CCDC171: variants seen among roughly 807,000 people sequenced by gnomAD.
The protein encoded by CCDC171 is coiled-coil domain containing 171, also known as coiled-coil domain-containing protein 171.
A neutral mutation model predicts 168.2 loss-of-function variants in CCDC171; 177 were observed. The observed-to-expected ratio is 1.05, with a 90% CI of 0.93 to 1.19. CCDC171 has a LOEUF of 1.19. Ranked by LOEUF, CCDC171 falls within the 50% of genes most tolerant of loss-of-function variation. The probability of loss-of-function intolerance (pLI) is 0.00; values close to 1 mark genes in which losing one functional copy is unlikely to be tolerated. For synonymous variants in CCDC171, 687 were observed against 540.8 expected, an observed-to-expected ratio of 1.27 and a Z score of -3.75; for missense variants, 1,991 against 1,539.0, an observed-to-expected ratio of 1.29 and a Z score of -4.91.
intron 25 of CCDC171, among the ~76,000 whole-genome samples, chr9:15,939,170 T>C (rs1827440170): frequency 6.6e-6 from 1 of 151,608 alleles, no homozygotes; most frequent in Admixed American, 6.6e-5. Flanking sequence ...ATCTATATAC[T>C]GTGTCTAAAT....
At chr9:15,894,718 G>T (rs192040099) in intron 24 of CCDC171, among the ~76,000 whole-genome samples, 1 of 151,824 alleles carries the variant, frequency 6.6e-6, no homozygotes, top group South Asian at 2.1e-4. Flanking sequence ...CCTTTCTCTC[G>T]AATTTCCACA....
At chr9:15,700,098 G>A (rs1485411178) in intron 11 of CCDC171, among the ~76,000 whole-genome samples, 2 of 152,204 alleles carry the variant, frequency 1.3e-5, no homozygotes. Flanking sequence ...GCAGGGGGCA[G>A]TGCTCATCAG....
chr9:16,082,835 T>G, the CCDC171 span, among the ~76,000 whole-genome samples: 2 of 152,224 alleles, frequency 1.3e-5, no homozygotes, highest in Non-Finnish European at 2.9e-5. Flanking sequence ...GCTTTGGTTT[T>G]CCTTTTTGGC....
chr9:16,090,896 G>C, the CCDC171 span, among the ~76,000 whole-genome samples: 1 of 152,308 alleles, frequency 6.6e-6, no homozygotes, highest in Non-Finnish European at 1.5e-5. Flanking sequence ...AGGACAATAG[G>C]AGAAGTAATT....
the CCDC171 span, among the ~76,000 whole-genome samples, chr9:16,098,754 A>G: frequency 6.6e-6 from 1 of 152,260 alleles, no homozygotes; most frequent in African/African-American, 2.4e-5. Context: ...TTCAAAAACA[A>G]TTTATTGATC....
intron 6 of CCDC171, among the ~76,000 whole-genome samples, chr9:15,606,961 T>C (rs996432655): frequency 6.6e-6 from 1 of 152,214 alleles, no homozygotes; most frequent in East Asian, 1.9e-4. Context: ...TTGGAAAATA[T>C]GTTCTGTAAC....
chr9:15,825,657 C>G (rs1024326800), intron 21 of CCDC171, among the ~76,000 whole-genome samples: 7 of 152,038 alleles, frequency 4.6e-5, no homozygotes, highest in Non-Finnish European at 7.4e-5. Context: ...ACAGGATTTT[C>G]TTTCAAGTTT....
chr9:16,063,898 A>T (rs1833963708), downstream of CCDC171, among the ~76,000 whole-genome samples: 1 of 152,222 alleles, frequency 6.6e-6, no homozygotes, highest in Admixed American at 6.5e-5. Context: ...TGAATTCTAA[A>T]TGCAGAGACC....
At chr9:15,701,855 G>A (rs1362943836) in intron 11 of CCDC171, among the ~76,000 whole-genome samples, 1 of 152,126 alleles carries the variant, frequency 6.6e-6, no homozygotes, top group Non-Finnish European at 1.5e-5. Context: ...TTACTCCCAT[G>A]TATCACAAGT....
chr9:15,917,901 T>C (rs1824755864), intron 24 of CCDC171, among the ~76,000 whole-genome samples: 2 of 151,786 alleles, frequency 1.3e-5, no homozygotes, highest in South Asian at 4.1e-4. Context: ...AATAAAAGTA[T>C]ATATCTAAGA....
chr9:15,651,598 C>A (rs559988155), intron 7 of CCDC171, among the ~76,000 whole-genome samples: 1 of 152,026 alleles, frequency 6.6e-6, no homozygotes, highest in Non-Finnish European at 1.5e-5. Flanking sequence ...TGAGAACGTG[C>A]GATATTTGTC....
intron 21 of CCDC171, among the ~76,000 whole-genome samples, chr9:15,841,297 A>G (rs1460587635): frequency 2.0e-5 from 3 of 152,140 alleles, no homozygotes; most frequent in African/African-American, 7.2e-5. Context: ...GGCAGAAATA[A>G]TATAGGCACT....
intron 2 of CCDC171, among the ~76,000 whole-genome samples, chr9:15,564,499 A>C (rs2039566690): frequency 6.6e-6 from 1 of 152,142 alleles, no homozygotes; most frequent in Non-Finnish European, 1.5e-5. Context: ...TCATTGGCCC[A>C]GCTCTAATTC....
chr9:15,721,954 C>T, intron 12 of CCDC171, 79 bp downstream of exon 12: 1 of 593,056 alleles, frequency 1.7e-6, no homozygotes, highest in Non-Finnish European at 2.7e-6. Context: ...TTACAAAGGT[C>T]AAAAAGATTG....
At chr9:16,048,892 C>CA (rs1833705980) in intron 1 of CCDC171, among the ~76,000 whole-genome samples, 1 of 146,020 alleles carries the variant, frequency 6.8e-6, no homozygotes, top group Non-Finnish European at 1.5e-5. Context: ...ATTTAGACCA[C>CA]ACAATAGGCT....
intron 24 of CCDC171, chr9:15,888,160 G>T (rs1400705242): frequency 6.6e-6 from 1 of 151,880 alleles, no homozygotes; most frequent in Non-Finnish European, 1.5e-5. Context: ...TTATTAGTAT[G>T]GACTTAAAAA....
rs148094099 is a variant in CCDC171 at position 15,697,522 on chromosome 9, C to T, written c.1318+2185C>T. Among the ~76,000 whole-genome samples, 271 of 152,172 alleles carry T rather than the reference C, an allele frequency of 1.8e-3. 2 individuals are homozygous for T. The highest frequency in any genetic ancestry group is 6.1e-3 in the African/African-American group (254 of 41,510). On this transcript the variant is annotated intron_variant, in intron 11 of 25. Transcript: ENST00000380701. ...TTGGCTTGCATAAAACAGCTCTGTG[C>T]CTTTATAATGGACTCTGTTTCTGCT...
the CCDC171 span, among the ~76,000 whole-genome samples, chr9:16,089,546 A>AT: frequency 6.6e-6 from 1 of 151,366 alleles, no homozygotes; most frequent in Non-Finnish European, 1.5e-5. Context: ...TCTTGTGTTA[A>AT]TTTTTTTATA....
intron 3 of CCDC171, among the ~76,000 whole-genome samples, chr9:16,005,020 T>G (rs1832655705): frequency 6.6e-6 from 1 of 152,212 alleles, no homozygotes. Context: ...TTTATTGAAG[T>G]ATTAATCATG....
Sources: gnomAD v4.1 joint callset for allele counts (sites outside exome capture counted in the v4.1 genomes callset) on GRCh38, gnomAD v4.1.1 for gene constraint, MANE v1.5 for transcripts, NCBI Gene and HGNC (gene_info 2026-07-23, HGNC 2026-07-21) for gene names.